Variants in KDM3A observed in about 807,000 individuals in gnomAD.
KDM3A encodes the protein lysine-specific demethylase 3A.
KDM3A carries 60 observed loss-of-function variants against 158.0 expected under a neutral mutation model. The ratio of observed to expected loss-of-function variants is 0.38; its 90% CI spans 0.31 to 0.47. The LOEUF is 0.47. Ranked by LOEUF, KDM3A falls within the 20% of genes least tolerant of loss-of-function variation. The probability of loss-of-function intolerance (pLI) is 0.99; values close to 1 mark genes in which losing one functional copy is unlikely to be tolerated. For missense variants in KDM3A, 1,319 were observed against 1,574.3 expected (o/e 0.84, Z 2.74); for synonymous variants, 608 against 549.3 (o/e 1.11, Z -1.49).
At position 86,466,118 on chromosome 2, in the gene KDM3A, G is replaced by A. The variant is rs575531456; in HGVS notation, c.1008-254G>A. Among the ~76,000 whole-genome samples, 11 of 152,224 alleles carry A rather than the reference G, an allele frequency of 7.2e-5. No homozygotes were observed. The East Asian group carries it at 2.1e-3, about 29-fold the overall frequency. Reference sequence around the variant, plus strand: ...GTGAGAAGTAGAACTAACGTAAGAAGTTAAAGATTTCTGAGAACGTGCAGA... The same window carrying A: ...GTGAGAAGTAGAACTAACGTAAGAAATTAAAGATTTCTGAGAACGTGCAGA... On this transcript the variant is annotated intron_variant, in intron 9 of 25. Coordinates refer to ENST00000312912, the MANE Select transcript of KDM3A (RefSeq NM_018433.6).
intron 2 of KDM3A, chr2:86,442,585 A>G (rs1401615817): frequency 1.1e-5 from 2 of 182,114 alleles, no homozygotes; most frequent in East Asian, 1.4e-4. Flanking sequence ...GGAGTCATTA[A>G]GAATTGAAGG....
chr2:86,455,779 C>T (rs1452484839), intron 5 of KDM3A, among the ~76,000 whole-genome samples: 2 of 151,324 alleles, frequency 1.3e-5, no homozygotes, highest in Admixed American at 6.6e-5. Flanking sequence ...AGGGAGACGT[C>T]GATCTCTACA....
At chr2:86,443,626 A>T (rs945153921) in intron 2 of KDM3A, 3 of 152,232 alleles carry the variant, frequency 2.0e-5, no homozygotes, top group Non-Finnish European at 4.4e-5. Context: ...GTAGGAATTG[A>T]CATAGCCTGT....
At chr2:86,445,895 C>T (rs1026660542) in intron 2 of KDM3A, among the ~76,000 whole-genome samples, 5 of 152,146 alleles carry the variant, frequency 3.3e-5, no homozygotes, top group African/African-American at 1.2e-4. Context: ...TAAGTGGTAT[C>T]CTGCATTGTA....
intron 4 of KDM3A, among the ~76,000 whole-genome samples, chr2:86,453,319 T>C (rs185049219): frequency 3.9e-5 from 6 of 152,286 alleles, no homozygotes; most frequent in Admixed American, 1.3e-4. Context: ...CTTGTAGATA[T>C]GGGTGTTCAC....
At chr2:86,482,425 A>G (rs1351498360) in intron 17 of KDM3A, 33 bp from the exon 18 acceptor site, 4 of 1,606,184 alleles carry the variant, frequency 2.5e-6, no homozygotes, top group Non-Finnish European at 3.4e-6. Context: ...AGGGAATGAC[A>G]TATTTGAGAC....
At chr2:86,471,395 A>G (rs1200878893) in intron 11 of KDM3A, among the ~76,000 whole-genome samples, 2 of 151,838 alleles carry the variant, frequency 1.3e-5, no homozygotes, top group South Asian at 2.1e-4. Flanking sequence ...GTGTATATAT[A>G]TATATTTTCA....
Position 86,478,614 on chromosome 2 carries a change from A to G in KDM3A, c.2195A>G (p.Tyr732Cys), listed in dbSNP as rs745941829. 6.8e-6 allele frequency: 11 copies of G among 1,614,072 alleles called. No homozygotes were observed. The highest frequency in any genetic ancestry group is 3.3e-4 in the Middle Eastern group (2 of 6,060). ...GCCTCTGCCCTTTCTTTAGCACTCT[A>G]TGATGTTGGAGACATTGTTCATTCT... ...PTQIIPGKAL[Y>C]DVGDIVHSVR... Residue 732 changes from tyrosine to cysteine, a missense_variant, in exon 15 of 26, where the codon TAT (tyrosine) becomes TGT (cysteine). Coordinates refer to ENST00000312912, the MANE Select transcript of KDM3A (RefSeq NM_018433.6).
At chr2:86,486,881 T>C (rs1233452432) in intron 21 of KDM3A, 1 of 152,412 alleles carries the variant, frequency 6.6e-6, no homozygotes, top group African/African-American at 2.4e-5. Context: ...ATGCCCAAGA[T>C]AGTTCTGCCA....
chr2:86,459,694 A>G (rs770163517), intron 8 of KDM3A, among the ~76,000 whole-genome samples: 5 of 152,190 alleles, frequency 3.3e-5, no homozygotes, highest in African/African-American at 4.8e-5. Context: ...AGGTACTTGT[A>G]AAATGTGGGC....
intron 19 of KDM3A, chr2:86,484,658 G>T: frequency 2.9e-6 from 1 of 339,852 alleles, no homozygotes; most frequent in Non-Finnish European, 5.4e-6. Context: ...GGAAAGACAA[G>T]GCCCTGACAC....
At chr2:86,484,307 C>T (rs929899754) in intron 19 of KDM3A, 149 bp downstream of exon 19, 23 of 654,092 alleles carry the variant, frequency 3.5e-5, no homozygotes, top group South Asian at 2.8e-4. Flanking sequence ...TTCCTTGTTA[C>T]AATGTTTATG....
chr2:86,456,065 T>G (rs2104642770), intron 5 of KDM3A, among the ~76,000 whole-genome samples: 1 of 152,252 alleles, frequency 6.6e-6, no homozygotes, highest in African/African-American at 2.4e-5. Flanking sequence ...GGATAAGGCA[T>G]TAATTTGATA....
chr2:86,455,799 T>A (rs980793825), intron 5 of KDM3A, among the ~76,000 whole-genome samples: 2 of 151,040 alleles, frequency 1.3e-5, no homozygotes, highest in African/African-American at 4.9e-5. Flanking sequence ...AAAACATTTT[T>A]AAAAAAATTA....
chr2:86,487,116 A>C lies in KDM3A; in HGVS notation c.3313+1257A>C, dbSNP rs533134257. On this transcript the variant is annotated intron_variant, in intron 21 of 25. Transcript: ENST00000312912. ...CTTAAGTATATAAGAGCATTTTTCCAATAAATTGTATAGTTTATCCATGCT... is the reference window on the plus strand; with the variant it reads ...CTTAAGTATATAAGAGCATTTTTCCCATAAATTGTATAGTTTATCCATGCT... The C allele has an allele frequency of 2.6e-5, 4 of 152,294 alleles. No homozygotes were observed. The East Asian group carries it at 7.7e-4, about 29-fold the overall frequency. 9.4% of individuals were successfully genotyped at this position (152,294 alleles called of 1,614,324 possible). A position where few individuals can be genotyped will look rare whatever the true frequency, so the allele number is the denominator to read the frequency against.
At chr2:86,471,578 G>A (rs1673413480) in intron 11 of KDM3A, among the ~76,000 whole-genome samples, 1 of 152,040 alleles carries the variant, frequency 6.6e-6, no homozygotes, top group African/African-American at 2.4e-5. Flanking sequence ...CAGAAGAGTT[G>A]ATTTCAATTC....
intron 8 of KDM3A, 98 bp from the exon 9 acceptor site, chr2:86,463,951 ATGTT>A (rs1673028311): frequency 1.3e-6 from 1 of 763,594 alleles, no homozygotes; most frequent in African/African-American, 1.8e-5. Flanking sequence ...CAATGGTATT[ATGTT>A]TGTTTAGTAT....
intron 21 of KDM3A, 118 bp from the exon 22 acceptor site, chr2:86,489,200 A>G: frequency 1.7e-6 from 2 of 1,182,768 alleles, no homozygotes; most frequent in Non-Finnish European, 2.3e-6. Context: ...TTTGATCCAG[A>G]ATTTTTATTC....
chr2:86,463,999 T>G, intron 8 of KDM3A, 54 bp from the exon 9 acceptor site: 1 of 1,316,026 alleles, frequency 7.6e-7, no homozygotes, highest in Non-Finnish European at 1.0e-6. Context: ...TAGCATTTTA[T>G]TATTTCCTAA....
Sources: gnomAD v4.1 joint callset for allele counts (sites outside exome capture counted in the v4.1 genomes callset) on GRCh38, gnomAD v4.1.1 for gene constraint, MANE v1.5 for transcripts, NCBI Gene and HGNC (gene_info 2026-07-23, HGNC 2026-07-21) for gene names.